The following FAP variants were observed in gnomAD, a reference collection of about 807,000 sequenced individuals.
FAP encodes fibroblast activation protein alpha, also known as prolyl endopeptidase FAP.
Under a neutral mutation model 126.5 loss-of-function variants are expected in FAP, and 110 were observed. The ratio of observed to expected loss-of-function variants is 0.87; its 90% CI spans 0.74 to 1.02. The LOEUF (loss-of-function observed/expected upper bound fraction) is 1.02, where lower values mean the gene tolerates loss of function less well. FAP is among the 50% of genes least tolerant of loss of function. The probability of loss-of-function intolerance (pLI) is 0.00; values close to 1 mark genes in which losing one functional copy is unlikely to be tolerated. For missense variants in FAP, 919 were observed against 909.2 expected, an observed-to-expected ratio of 1.01 and a Z score of -0.14; for synonymous variants, 334 against 297.3, an observed-to-expected ratio of 1.12 and a Z score of -1.27.
intron 2 of FAP, among the ~76,000 whole-genome samples, chr2:162,227,891 G>A (rs1177885124): frequency 6.6e-6 from 1 of 152,086 alleles, no homozygotes; most frequent in Non-Finnish European, 1.5e-5. Context: ...CCTCTGAGAA[G>A]CCCTTTCTGA....
chr2:162,213,943 G>A lies in FAP; in HGVS notation c.997C>T (p.Pro333Ser), dbSNP rs1438431581. 1 of 1,612,644 alleles carries A rather than the reference G, an allele frequency of 6.2e-7. No individual in the cohort carries two copies. The highest frequency in any genetic ancestry group is 8.5e-7 in the Non-Finnish European group (1 of 1,179,208). ...FREDWQTWDCPKTQEHIEESR... is the reference protein window; with the variant it reads ...FREDWQTWDCSKTQEHIEESR... ...GTGATCTTAATATACCCTACCTTTG[G>A]ACAATCCCATGTCTGCCAGTCTTCC... is the stretch of plus-strand genomic sequence containing the variant. The change falls in exon 11 of 26, where the codon CCA becomes TCA. Residue 333 changes from proline to serine, a missense_variant. Coordinates refer to ENST00000188790, the MANE Select transcript of FAP (RefSeq NM_004460.5).
intron 21 of FAP, among the ~76,000 whole-genome samples, chr2:162,180,005 C>T (rs977680534): frequency 3.3e-5 from 5 of 151,740 alleles, no homozygotes; most frequent in African/African-American, 4.8e-5. Flanking sequence ...GACGGGGTTT[C>T]GTCATGTTGG....
intron 4 of FAP, 105 bp from the exon 5 acceptor site, chr2:162,224,645 A>G (rs1018936890): frequency 1.7e-6 from 1 of 587,498 alleles, no homozygotes; most frequent in African/African-American, 1.9e-5. Context: ...TCCTACATGC[A>G]TAGACTTTCA....
intron 21 of FAP, among the ~76,000 whole-genome samples, chr2:162,182,879 T>C (rs1687739028): frequency 6.6e-6 from 1 of 152,158 alleles, no homozygotes; most frequent in Non-Finnish European, 1.5e-5. Context: ...TGACCTATAA[T>C]TAGGAAACTA....
chr2:162,194,642 G>A (rs1248066823), intron 17 of FAP, 59 bp downstream of exon 17: 35 of 1,474,588 alleles, frequency 2.4e-5, no homozygotes, highest in South Asian at 5.7e-5. Flanking sequence ...CTCTAGCGGA[G>A]CATCACAGAG....
In FAP at chr2:162,173,644, T is replaced by A. The variant is rs142279264; in HGVS notation, c.2034+79A>T. On this transcript the variant is annotated intron_variant, in intron 23 of 25. Coordinates refer to ENST00000188790, the MANE Select transcript of FAP (RefSeq NM_004460.5). ...GCTTGGGGGCCCAGAATTAAAACTGTAAATTCTGAACTACTGCTTTTAAGT... is the reference window on the plus strand; with the variant it reads ...GCTTGGGGGCCCAGAATTAAAACTGAAAATTCTGAACTACTGCTTTTAAGT... 538 of 994,168 alleles carry A rather than the reference T, an allele frequency of 5.4e-4. 6 individuals carry two copies. The East Asian group carries it at 0.01, about 19-fold the overall frequency. The allele number at this position is 994,168 out of a possible 1,614,324, so 61.6% of individuals were successfully genotyped here. A position where few individuals can be genotyped will look rare whatever the true frequency, so the allele number is the denominator to read the frequency against.
At chr2:162,173,102 A>G (rs889892392) in intron 24 of FAP, 47 bp downstream of exon 24, 1 of 1,530,678 alleles carries the variant, frequency 6.5e-7, no homozygotes, top group African/African-American at 1.4e-5. Flanking sequence ...AAACAAAGTG[A>G]TGCTGGCTCA....
chr2:162,212,387 A>T (rs1688974685), intron 11 of FAP, among the ~76,000 whole-genome samples: 1 of 152,208 alleles, frequency 6.6e-6, no homozygotes, highest in Non-Finnish European at 1.5e-5. Context: ...CTAATTAACT[A>T]GCATAATCAA....
At position 162,195,322 on chromosome 2, in the gene FAP, C is replaced by T. The variant is rs1038461135; in HGVS notation, c.1403-574G>A. On this transcript the variant is annotated intron_variant, in intron 16 of 25. Transcript: ENST00000188790. Reference sequence around the variant, plus strand: ...TGTGGGGGTGGTATTGGGATGCACACTTGTGGGGGAAAGGGAGGAAGAATA... The same window carrying T: ...TGTGGGGGTGGTATTGGGATGCACATTTGTGGGGGAAAGGGAGGAAGAATA... 8.6e-5 allele frequency among the ~76,000 whole-genome samples: 13 copies of T among 151,882 alleles called. 1 individual carries two copies. In the East Asian group the frequency reaches 2.1e-3, roughly 25 times the overall value.
chr2:162,202,586 G>C (rs972555767), intron 14 of FAP, among the ~76,000 whole-genome samples: 1 of 152,044 alleles, frequency 6.6e-6, no homozygotes, highest in Non-Finnish European at 1.5e-5. Flanking sequence ...AGTGCTGAAG[G>C]GTAAAATTTG....
At chr2:162,224,966 G>C (rs1689574003) in intron 4 of FAP, among the ~76,000 whole-genome samples, 1 of 152,126 alleles carries the variant, frequency 6.6e-6, no homozygotes, top group Admixed American at 6.6e-5. Flanking sequence ...TTGGAGGACT[G>C]GGAGCCCAGT....
chr2:162,239,362 A>T (rs1690262370), intron 2 of FAP, among the ~76,000 whole-genome samples: 1 of 151,904 alleles, frequency 6.6e-6, no homozygotes, highest in Non-Finnish European at 1.5e-5. Flanking sequence ...ACTCTCACTC[A>T]GCCTTATTCT....
At chr2:162,181,561 G>C (rs1251509914) in intron 21 of FAP, among the ~76,000 whole-genome samples, 1 of 152,252 alleles carries the variant, frequency 6.6e-6, no homozygotes, top group East Asian at 1.9e-4. Context: ...CCGTTCCTCA[G>C]CTATCTTCAC....
Position 162,243,361 on chromosome 2 carries a change from G to A in FAP, c.-34C>T. 1 of 1,609,598 alleles carries A rather than the reference G, an allele frequency of 6.2e-7. No individual in the cohort carries two copies. The highest frequency in any genetic ancestry group is 8.5e-7 in the Non-Finnish European group (1 of 1,177,922). ...ATGTTTTTGAAAGTTAGCTAATTCT[G>A]TCTTCAGAGCGTGGGTCACTGGATC... is the stretch of plus-strand genomic sequence containing the variant. On this transcript the variant is annotated 5_prime_UTR_variant, in exon 1 of 26. Coordinates refer to ENST00000188790, the MANE Select transcript of FAP (RefSeq NM_004460.5).
In FAP at chr2:162,198,803, T is replaced by G; in HGVS notation, c.1356A>C (p.Thr452=). 1 of 1,614,160 alleles carries G rather than the reference T, an allele frequency of 6.2e-7. No homozygotes were observed. The highest frequency in any genetic ancestry group is 8.5e-7 in the Non-Finnish European group (1 of 1,179,980). The change falls in exon 16 of 26, where the codon ACA becomes ACC. Residue 452 remains threonine, a synonymous_variant. Coordinates refer to ENST00000188790, the MANE Select transcript of FAP (RefSeq NM_004460.5). ...ACTTGGCGTAGTCGCTGAAACTTGCTGTGTAATATTGGCACCTTTCTTTCC... is the reference window on the plus strand; with the variant it reads ...ACTTGGCGTAGTCGCTGAAACTTGCGGTGTAATATTGGCACCTTTCTTTCC... ...HLRKERCQYY[T]ASFSDYAKYY... is the part of the protein sequence containing the mutation.
chr2:162,215,956 T>A lies in FAP; in HGVS notation c.808A>T (p.Thr270Ser). 1 of 1,614,140 alleles carries A rather than the reference T, an allele frequency of 6.2e-7. No homozygotes were observed. The highest frequency in any genetic ancestry group is 8.5e-7 in the Non-Finnish European group (1 of 1,179,992). Residue 270 changes from threonine (T) to serine (S), a missense_variant, in exon 10 of 26, where the codon ACT (threonine) becomes TCT (serine). By Grantham distance (58) the Thr-to-Ser change is moderately conservative. Transcript: ENST00000188790. ...PVVRIFIIDT[T>S]YPAYVGPQEV... Reference sequence around the variant, plus strand: ...TGGGGACCTACATACGCAGGGTAAGTGGTATCGATAATAAATATCCGAACA... The same window carrying A: ...TGGGGACCTACATACGCAGGGTAAGAGGTATCGATAATAAATATCCGAACA...
intron 21 of FAP, among the ~76,000 whole-genome samples, chr2:162,179,744 G>A (rs920619018): frequency 6.7e-6 from 1 of 150,308 alleles, no homozygotes; most frequent in South Asian, 2.1e-4. Flanking sequence ...CAAAACATGG[G>A]AACAAGGAAG....
At chr2:162,216,884 C>T (rs745615931) in intron 9 of FAP, among the ~76,000 whole-genome samples, 3 of 152,148 alleles carry the variant, frequency 2.0e-5, no homozygotes, top group Non-Finnish European at 4.4e-5. Context: ...CAACCTTAAG[C>T]CTCAAGGAAA....
At chr2:162,186,650 T>C (rs1687876311) in intron 20 of FAP, among the ~76,000 whole-genome samples, 1 of 152,154 alleles carries the variant, frequency 6.6e-6, no homozygotes, top group Non-Finnish European at 1.5e-5. Context: ...CTTTCAGCTT[T>C]GGAAAAGATC....
Sources: allele counts gnomAD v4.1 joint callset (sites outside exome capture counted in the v4.1 genomes callset), GRCh38; gene constraint gnomAD v4.1.1; transcripts MANE v1.5; gene names NCBI Gene and HGNC (gene_info 2026-07-23, HGNC 2026-07-21).